Variants in ALG13 observed in about 807,000 individuals in gnomAD.
The protein encoded by ALG13 is UDP-N-acetylglucosamine transferase subunit ALG13.
In ALG13, 11 loss-of-function variants were observed where a neutral mutation model predicts 87.8. The observed-to-expected ratio is 0.13, with a 90% CI of 0.08 to 0.21. The LOEUF is 0.21. Among genes scored for constraint, ALG13 ranks in the 10% least tolerant of loss-of-function variants. The probability of loss-of-function intolerance (pLI) is 1.00; values close to 1 mark genes in which losing one functional copy is unlikely to be tolerated. For synonymous variants in ALG13, 320 were observed against 306.3 expected, an observed-to-expected ratio of 1.04 and a Z score of -0.47; for missense variants, 756 against 866.1, an observed-to-expected ratio of 0.87 and a Z score of 1.60.
intron 24 of ALG13, among the ~76,000 whole-genome samples, chrX:111,751,724 T>TA (rs201762523): frequency 8.2e-5 from 9 of 109,943 alleles, no homozygotes; most frequent in East Asian, 2.9e-4. Flanking sequence ...AAGCTGATTT[T>TA]AAAAAAAAAT....
chrX:111,721,787 CTCTTA>C (rs1941426351), intron 12 of ALG13, 76 bp downstream of exon 12: 5 of 563,375 alleles, frequency 8.9e-6, no homozygotes, highest in East Asian at 7.5e-5. Context: ...TGGTGAACAT[CTCTTA>C]TAAGAAATAC....
intron 21 of ALG13, among the ~76,000 whole-genome samples, chrX:111,733,286 C>G (rs1942902034): frequency 1.8e-5 from 2 of 110,798 alleles, no homozygotes; most frequent in Admixed American, 1.9e-4. Context: ...ATCCCTCACC[C>G]CCTTCCCACC....
At chrX:111,692,334 A>C (rs1269148861) in intron 3 of ALG13, among the ~76,000 whole-genome samples, 1 of 111,944 alleles carries the variant, frequency 8.9e-6, no homozygotes, top group African/African-American at 3.2e-5. Flanking sequence ...GATCCAAGAC[A>C]TGATTCCTGC....
At chrX:111,738,959 T>C (rs916392234) in intron 23 of ALG13, among the ~76,000 whole-genome samples, 3 of 110,364 alleles carry the variant, frequency 2.7e-5, no homozygotes, top group Non-Finnish European at 5.7e-5. Context: ...AACACAGAAG[T>C]CTCTGAAAAA....
In ALG13 at chrX:111,713,282, T is replaced by C; in HGVS notation, c.990T>C (p.Asn330=). ...PGKPPTYVTD[N]GYEDKILLCY... is the part of the protein sequence containing the mutation. ...AACCTCCAACTTATGTCACAGATAA[T>C]GGCTATGAAGACAAGGTAAGAAGAT... Residue 330 remains asparagine (N), a synonymous_variant, in exon 8 of 27, where the codon AAT becomes AAC. Coordinates refer to ENST00000394780, the MANE Select transcript of ALG13 (RefSeq NM_001099922.3). 8.4e-7 allele frequency: 1 copy of C among 1,185,252 alleles called. No homozygotes were observed.
At position 111,708,010 on chromosome X, in the gene ALG13, T is replaced by C. The variant is rs1282682579; in HGVS notation, c.384-17T>C. 1.7e-6 allele frequency: 2 copies of C among 1,190,064 alleles called. No homozygotes were observed. Among genetic ancestry groups the C allele is most frequent in the Non-Finnish European group, 2.3e-6 (2 of 884,377 alleles). On this transcript the variant is annotated splice_polypyrimidine_tract_variant and intron_variant, in intron 3 of 26. Transcript: ENST00000394780. ...CCCTATTCCTAGGAGGATTGGCTCT[T>C]CCTCTTCTTTTCACAGGGTCCTGAC... is the stretch of plus-strand genomic sequence containing the variant.
rs752909568 is a variant in ALG13 at position 111,682,226 on chromosome X, A to G, written c.176A>G (p.Asp59Gly). 21 of 1,198,564 alleles carry G rather than the reference A, an allele frequency of 1.8e-5. No individual in the cohort carries two copies. Among genetic ancestry groups the G allele is most frequent in the Non-Finnish European group, 2.4e-5 (21 of 888,693 alleles). The stretch of plus-strand genomic sequence containing the variant: ...TTCAGTACTGAGTCGTTTACTCTGG[A>G]TGTTTACAGGTACAAGGATTCCTTG... ...EPFSTESFTL[D>G]VYRYKDSLKE... The change falls in exon 2 of 27, where the codon GAT (aspartate) becomes GGT (glycine). Residue 59 changes from aspartate to glycine, a missense_variant. Asp to Gly is a moderately conservative substitution (Grantham distance 94). Around this residue, in one of 9 missense-constraint regions of ALG13, gnomAD observed 153 missense variants for 168.7 expected, o/e 0.91. Transcript: ENST00000394780.
chrX:111,714,988 A>G (rs1940356441), intron 8 of ALG13, among the ~76,000 whole-genome samples: 1 of 111,970 alleles, frequency 8.9e-6, no homozygotes, highest in African/African-American at 3.2e-5. Context: ...TTTTTCCTCA[A>G]CATTGTATTC....
rs1440589127 is a variant in ALG13, at chrX:111,688,758, G to A, written c.383+3655G>A. ...TACAATTTATGTGCTTATAAAATTA[G>A]TTTTATGAATGAACAATAAACTGAT... On this transcript the variant is annotated intron_variant, in intron 3 of 26. Coordinates refer to ENST00000394780, the MANE Select transcript of ALG13 (RefSeq NM_001099922.3). 26 of 738,748 alleles carry A rather than the reference G, an allele frequency of 3.5e-5. No individual in the cohort carries two copies. In the South Asian group the frequency reaches 1.8e-3, roughly 51 times the overall value. The allele number at this position is 738,748 out of a possible 1,213,427, so 60.9% of individuals were successfully genotyped here. A position where few individuals can be genotyped will look rare whatever the true frequency, so the allele number is the denominator to read the frequency against.
At chrX:111,681,635 C>G (rs1302292907) in intron 1 of ALG13, 6 of 919,386 alleles carry the variant, frequency 6.5e-6, no homozygotes, top group South Asian at 6.9e-5. Flanking sequence ...CCTCCGAGCT[C>G]GGGTTTTCCA....
chrX:111,728,239 A>T lies in ALG13; in HGVS notation c.2302A>T (p.Arg768Trp), dbSNP rs1415790870. The T allele has an allele frequency of 8.3e-7, 1 of 1,211,374 alleles. No individual in the cohort carries two copies. The highest frequency in any genetic ancestry group is 2.2e-5 in the Admixed American group (1 of 46,019). ...VPATSGYCVGRRGHSSGKQTL... is the reference protein window; with the variant it reads ...VPATSGYCVGWRGHSSGKQTL... ...TGCTACTTCAGGATACTGTGTTGGA[A>T]GGCGGGGACATAGCTCAGGCAAACA... Residue 768 changes from arginine to tryptophan, a missense_variant, in exon 19 of 27, where the codon AGG becomes TGG. Transcript: ENST00000394780.
At chrX:111,723,173 AC>A (rs1331893830) in intron 13 of ALG13, among the ~76,000 whole-genome samples, 1 of 104,073 alleles carries the variant, frequency 9.6e-6, no homozygotes, top group Non-Finnish European at 2.0e-5. Context: ...TTTTTTTGAG[AC>A]GGAGTCTTGC....
chrX:111,692,535 A>C (rs1936309389), intron 3 of ALG13, among the ~76,000 whole-genome samples: 1 of 111,580 alleles, frequency 9.0e-6, no homozygotes, highest in Non-Finnish European at 1.9e-5. Flanking sequence ...TTGACAGCGA[A>C]GTATCTAGTA....
At position 111,721,696 on chromosome X, in the gene ALG13, T is replaced by C; in HGVS notation, c.1420T>C (p.Leu474=). The part of the protein sequence containing the change: ...IYRNVEFDVW[L]DSRKELQKSD... Reference sequence around the variant, plus strand: ...TCGTAATGTAGAATTTGATGTTTGGTTGGACAGCAGAAAAGGTAAAGAAAT... The same window carrying C: ...TCGTAATGTAGAATTTGATGTTTGGCTGGACAGCAGAAAAGGTAAAGAAAT... The change falls in exon 12 of 27, where the codon TTG becomes CTG. Residue 474 remains leucine (L), a synonymous_variant. Coordinates refer to ENST00000394780, the MANE Select transcript of ALG13 (RefSeq NM_001099922.3). The C allele has an allele frequency of 1.7e-6, 2 of 1,184,252 alleles. No individual in the cohort carries two copies. Among genetic ancestry groups the C allele is most frequent in the Non-Finnish European group, 2.3e-6 (2 of 873,734 alleles).
intron 3 of ALG13, chrX:111,687,786 A>G (rs758511422): frequency 1.1e-4 from 75 of 707,593 alleles, no homozygotes; most frequent in Middle Eastern, 9.1e-4. Context: ...TTTTAGAAGT[A>G]CCACTATATT....
At position 111,708,039 on chromosome X, in the gene ALG13, T is replaced by C; in HGVS notation, c.396T>C (p.Cys132=). 1.7e-6 allele frequency: 2 copies of C among 1,208,731 alleles called. No individual in the cohort carries two copies. The highest frequency in any genetic ancestry group is 3.0e-5 in the East Asian group (1 of 33,793). ...CTTCTTTTCACAGGGTCCTGACTTGTCCTGGGCAAGCCAAGTCCATTGCTT... is the reference window on the plus strand; with the variant it reads ...CTTCTTTTCACAGGGTCCTGACTTGCCCTGGGCAAGCCAAGTCCATTGCTT... ...LFYCTCRVLT[C]PGQAKSIASA... is the part of the protein sequence containing the mutation. The change falls in exon 4 of 27, where the codon TGT becomes TGC. Residue 132 remains cysteine, a synonymous_variant. Transcript: ENST00000394780.
rs757610699 is a variant in ALG13 at position 111,736,720 on chromosome X, G to A, written c.2536G>A (p.Gly846Arg). 3.3e-6 allele frequency: 4 copies of A among 1,207,887 alleles called. No individual in the cohort carries two copies. The Admixed American group carries it at 8.8e-5, about 26-fold the overall frequency. ...TSYNYPQKMM[G>R]NIAAVAASCA... ...CTTTCTTCCACACTTACAGATGATG[G>A]GAAATATTGCAGCAGTTGCAGCTTC... Residue 846 changes from glycine (G) to arginine (R), a missense_variant, in exon 23 of 27, where the codon GGA (glycine) becomes AGA (arginine). Gly to Arg is a moderately radical substitution (Grantham distance 125, BLOSUM62 -2). Transcript: ENST00000394780.
At chrX:111,736,528 T>C (rs1318653266) in intron 22 of ALG13, among the ~76,000 whole-genome samples, 186 bp from the exon 23 acceptor site, 1 of 111,719 alleles carries the variant, frequency 9.0e-6, no homozygotes, top group Admixed American at 9.5e-5. Context: ...AATTAAAAAA[T>C]TAAAGCTCTC....
At chrX:111,682,407 C>A (rs1933675141) in intron 2 of ALG13, 113 bp downstream of exon 2, 1 of 564,018 alleles carries the variant, frequency 1.8e-6, no homozygotes, top group Non-Finnish European at 2.6e-6. Context: ...CAAAGGTAAA[C>A]GTGTGCCATG....
Sources: gnomAD v4.1 joint callset for allele counts (sites outside exome capture counted in the v4.1 genomes callset) on GRCh38, gnomAD v4.1.1 for gene constraint, gnomAD v4.1.1 regional missense constraint, MANE v1.5 for transcripts, NCBI Gene and HGNC (gene_info 2026-07-23, HGNC 2026-07-21) for gene names.